The following KCTD8 variants were observed in gnomAD, a reference collection of about 807,000 sequenced individuals.
KCTD8 encodes the protein BTB/POZ domain-containing protein KCTD8.
In KCTD8, 27 loss-of-function variants were observed where a neutral mutation model predicts 31.5. The ratio of observed to expected loss-of-function variants is 0.86; its 90% confidence interval spans 0.63 to 1.18. The LOEUF (loss-of-function observed/expected upper bound fraction) is 1.18, where lower values mean the gene tolerates loss of function less well. Among genes scored for constraint, KCTD8 ranks in the 50% most tolerant of loss-of-function variants. KCTD8 has a pLI of 0.00. For synonymous variants in KCTD8, 290 were observed against 280.0 expected (o/e 1.04, Z -0.36); for missense variants, 658 against 647.7 (o/e 1.02, Z -0.17).
At chr4:44,334,363 T>A (rs538344449) in intron 1 of KCTD8, among the ~76,000 whole-genome samples, 1 of 152,182 alleles carries the variant, frequency 6.6e-6, no homozygotes, top group African/African-American at 2.4e-5. Context: ...TCTGGATACA[T>A]CATGATGAAG....
chr4:44,239,108 G>A (rs972100565), intron 1 of KCTD8, among the ~76,000 whole-genome samples: 1 of 152,154 alleles, frequency 6.6e-6, no homozygotes, highest in South Asian at 2.1e-4. Flanking sequence ...TGCCTGCTCT[G>A]TCCCTTCACT....
chr4:44,373,654 T>A (rs146921611), intron 1 of KCTD8, among the ~76,000 whole-genome samples: 137 of 152,312 alleles, frequency 9.0e-4, no homozygotes, highest in African/African-American at 3.1e-3. Flanking sequence ...ATGCCAGGAC[T>A]AACATGATTC....
chr4:44,377,836 G>A (rs549420381), intron 1 of KCTD8, among the ~76,000 whole-genome samples: 19 of 152,144 alleles, frequency 1.2e-4, no homozygotes, highest in African/African-American at 4.3e-4. Context: ...GCTATATTAC[G>A]TCTTCTTCTT....
chr4:44,370,988 G>A (rs189648747), intron 1 of KCTD8, among the ~76,000 whole-genome samples: 1 of 152,172 alleles, frequency 6.6e-6, no homozygotes, highest in Admixed American at 6.5e-5. Flanking sequence ...CCCAAAATTT[G>A]CTGTCTGCAA....
At chr4:44,200,002 G>T (rs1014845899) in intron 1 of KCTD8, among the ~76,000 whole-genome samples, 1 of 151,544 alleles carries the variant, frequency 6.6e-6, no homozygotes, top group African/African-American at 2.4e-5. Flanking sequence ...AATAAAAAAA[G>T]ATCCTGAAAG....
At chr4:44,234,475 G>C (rs538620385) in intron 1 of KCTD8, among the ~76,000 whole-genome samples, 14 of 152,256 alleles carry the variant, frequency 9.2e-5, no homozygotes, top group African/African-American at 1.4e-4. Context: ...TGAAGAAAAG[G>C]CTTTTCAGGA....
At chr4:44,408,848 A>C (rs1392320368) in intron 1 of KCTD8, among the ~76,000 whole-genome samples, 1 of 151,884 alleles carries the variant, frequency 6.6e-6, no homozygotes, top group Non-Finnish European at 1.5e-5. Context: ...TGATATCCTG[A>C]CCTCATGATC....
At chr4:44,358,394 T>C (rs956458251) in intron 1 of KCTD8, among the ~76,000 whole-genome samples, 4 of 152,132 alleles carry the variant, frequency 2.6e-5, no homozygotes. Flanking sequence ...TGATTTATAA[T>C]CCTTTGGGTA....
chr4:44,419,208 G>C (rs1477081282), intron 1 of KCTD8, among the ~76,000 whole-genome samples: 1 of 152,134 alleles, frequency 6.6e-6, no homozygotes, highest in African/African-American at 2.4e-5. Context: ...TGAAGTAAAG[G>C]TGGGTGCATT....
chr4:44,253,110 A>T (rs1437451609), intron 1 of KCTD8, among the ~76,000 whole-genome samples: 2 of 151,706 alleles, frequency 1.3e-5, no homozygotes, highest in Non-Finnish European at 2.9e-5. Context: ...ATATCCCCAT[A>T]TTTTAAAATA....
chr4:44,296,547 T>C (rs144363270), intron 1 of KCTD8, among the ~76,000 whole-genome samples: 2 of 152,222 alleles, frequency 1.3e-5, no homozygotes, highest in Non-Finnish European at 2.9e-5. Flanking sequence ...ACATATCTGT[T>C]CTGTTATTTT....
intron 1 of KCTD8, among the ~76,000 whole-genome samples, chr4:44,332,708 T>A (rs2012514): frequency 0.44 from 66,553 of 151,522 alleles, 14,865 homozygotes; most frequent in Middle Eastern, 0.59. Flanking sequence ...TTTCTTTTTT[T>A]AAAAAAGAAA....
At position 44,230,663 on chromosome 4, in the gene KCTD8, T is replaced by C. The variant is rs80309193; in HGVS notation, c.962-55413A>G. On this transcript the variant is annotated intron_variant, in intron 1 of 1. Transcript: ENST00000360029. ...AAAGAGACAAAGTGACAGGCAGAAA[T>C]GTACAGCAGTATACAGGACAGCTCA... is the stretch of plus-strand genomic sequence containing the variant. 3.0e-3 allele frequency among the ~76,000 whole-genome samples: 450 copies of C among 152,276 alleles called. 12 individuals are homozygous for C. In the East Asian group the frequency reaches 0.078, roughly 26 times the overall value.
At chr4:44,288,146 A>T (rs1717158006) in intron 1 of KCTD8, among the ~76,000 whole-genome samples, 1 of 152,114 alleles carries the variant, frequency 6.6e-6, no homozygotes. Context: ...CATATTAGGG[A>T]AGGTATTTCT....
intron 1 of KCTD8, among the ~76,000 whole-genome samples, chr4:44,240,990 T>G (rs1040890771): frequency 3.3e-5 from 5 of 152,162 alleles, no homozygotes; most frequent in African/African-American, 9.7e-5. Context: ...TCACAGATGG[T>G]TTTGAGACCA....
Position 44,448,556 on chromosome 4 carries a change from G to C in KCTD8, c.-33C>G. The C allele has an allele frequency of 7.0e-7, 1 of 1,424,186 alleles. No individual in the cohort carries two copies. Among genetic ancestry groups the C allele is most frequent in the Non-Finnish European group, 9.1e-7 (1 of 1,093,208 alleles). The allele number at this position is 1,424,186 out of a possible 1,614,324, so 88.2% of individuals were successfully genotyped here. A position where few individuals can be genotyped will look rare whatever the true frequency, so the allele number is the denominator to read the frequency against. Reference sequence around the variant, plus strand: ...CCGCCGCCGGCCCAGTGACCCGAGAGAGCTGCACTTTCTCGTTCCCGGAGC... The same window carrying C: ...CCGCCGCCGGCCCAGTGACCCGAGACAGCTGCACTTTCTCGTTCCCGGAGC... On this transcript the variant is annotated 5_prime_UTR_variant, in exon 1 of 2. Transcript: ENST00000360029. This position sits in a 1 kb window ranked among gnomAD's most constrained non-coding sequence, Gnocchi z 4.1.
At chr4:44,272,866 C>T (rs1051650357) in intron 1 of KCTD8, among the ~76,000 whole-genome samples, 19 of 152,120 alleles carry the variant, frequency 1.2e-4, no homozygotes, top group Middle Eastern at 3.4e-3. Context: ...TCCTCAAATA[C>T]GAAAACATAA....
At chr4:44,336,482 T>C (rs541916813) in intron 1 of KCTD8, among the ~76,000 whole-genome samples, 16 of 151,972 alleles carry the variant, frequency 1.1e-4, no homozygotes, top group African/African-American at 3.6e-4. Flanking sequence ...AGACAACATT[T>C]TATTTATGGT....
At chr4:44,435,070 A>G (rs1231708513) in intron 1 of KCTD8, among the ~76,000 whole-genome samples, 1 of 151,982 alleles carries the variant, frequency 6.6e-6, no homozygotes, top group Non-Finnish European at 1.5e-5. Flanking sequence ...CTTGTATCTT[A>G]CCTAAATTAT....
Sources: gnomAD v4.1 joint callset for allele counts (sites outside exome capture counted in the v4.1 genomes callset) on GRCh38, gnomAD v4.1.1 for gene constraint, Gnocchi (gnomAD v3.1) non-coding constraint, MANE v1.5 for transcripts, NCBI Gene and HGNC (gene_info 2026-07-23, HGNC 2026-07-21) for gene names.